Variants in ATP6V0A1 observed in about 807,000 individuals in gnomAD.
ATP6V0A1 encodes ATPase H+ transporting V0 subunit a1, also known as V-type proton ATPase 116 kDa subunit a 1.
A neutral mutation model predicts 105.4 loss-of-function variants in ATP6V0A1; 43 were observed. That is an observed-to-expected ratio of 0.41 (90% CI 0.32 to 0.53). The LOEUF is 0.53. ATP6V0A1 is among the 20% of genes least tolerant of loss of function. ATP6V0A1 has a pLI of 0.30. For synonymous variants in ATP6V0A1, 362 were observed against 372.8 expected, an observed-to-expected ratio of 0.97 and a Z score of 0.33; for missense variants, 676 against 1,051.1, an observed-to-expected ratio of 0.64 and a Z score of 4.93.
chr17:42,482,054 C>G (rs1365277487), intron 8 of ATP6V0A1, among the ~76,000 whole-genome samples: 1 of 152,170 alleles, frequency 6.6e-6, no homozygotes, highest in East Asian at 1.9e-4. Flanking sequence ...GTTGGCCAGG[C>G]TGATCTCGAA....
intron 11 of ATP6V0A1, among the ~76,000 whole-genome samples, chr17:42,491,359 GGAGT>G (rs1369963594): frequency 2.6e-5 from 4 of 152,114 alleles, no homozygotes; most frequent in Non-Finnish European, 5.9e-5. Context: ...CACCCATGCT[GGAGT>G]GCAGTGGCGT....
At chr17:42,486,268 G>A (rs1192934387) in intron 9 of ATP6V0A1, among the ~76,000 whole-genome samples, 1 of 152,024 alleles carries the variant, frequency 6.6e-6, no homozygotes, top group South Asian at 2.1e-4. Flanking sequence ...AAAATTAGCC[G>A]TGCATGGTGG....
Position 42,522,416 on chromosome 17 carries a change from C to T in ATP6V0A1, c.*1296C>T, listed in dbSNP as rs2092851467. 1 of 152,716 alleles carries T rather than the reference C, an allele frequency of 6.5e-6. No individual in the cohort carries two copies. Among genetic ancestry groups the T allele is most frequent in the South Asian group, 2.1e-4 (1 of 4,844 alleles). 9.5% of individuals were successfully genotyped at this position (152,716 alleles called of 1,614,324 possible). Reference sequence around the variant, plus strand: ...GCCACTGTGTGCTGGCCCACTGTGACCTGACCCGACCTTGTGCAGCCCCCC... The same window carrying T: ...GCCACTGTGTGCTGGCCCACTGTGATCTGACCCGACCTTGTGCAGCCCCCC... On this transcript the variant is annotated 3_prime_UTR_variant, in exon 22 of 22. Coordinates refer to ENST00000343619, the MANE Select transcript of ATP6V0A1 (RefSeq NM_001130021.3).
At position 42,489,357 on chromosome 17, in the gene ATP6V0A1, AG is replaced by A. The variant is rs200036716; in HGVS notation, c.1024-1128del. ...CAGCCTCCCAAAGTGCAGGGATTACAGGCATGAGCCACTTCTCCTGGCTCAA... is the reference window on the plus strand; with the variant it reads ...CAGCCTCCCAAAGTGCAGGGATTACAGCATGAGCCACTTCTCCTGGCTCAA... On this transcript the variant is annotated intron_variant, in intron 10 of 21. Coordinates refer to ENST00000343619, the MANE Select transcript of ATP6V0A1 (RefSeq NM_001130021.3). 1.6e-3 allele frequency among the ~76,000 whole-genome samples: 242 copies of A among 152,252 alleles called. 4 individuals are homozygous for A. The East Asian group carries it at 0.041, about 26-fold the overall frequency.
At position 42,495,686 on chromosome 17, in the gene ATP6V0A1, T is replaced by C. The variant is rs1226543725; in HGVS notation, c.1530T>C (p.Phe510=). The change falls in exon 14 of 22, where the codon TTT becomes TTC. Residue 510 remains phenylalanine, a synonymous_variant. Coordinates refer to ENST00000343619, the MANE Select transcript of ATP6V0A1 (RefSeq NM_001130021.3). ...LQLNPALPGV[F]GGPYPFGIDP... ...TGAACCCAGCCCTCCCTGGAGTGTT[T>C]GGTGGACCATACCCTTTTGGCATTG... The C allele has an allele frequency of 1.9e-6, 3 of 1,614,102 alleles. No homozygotes were observed. In the South Asian group the frequency reaches 3.3e-5, roughly 18 times the overall value.
intron 11 of ATP6V0A1, 52 bp downstream of exon 11, chr17:42,490,689 G>T (rs1440622428): frequency 2.6e-6 from 4 of 1,540,380 alleles, no homozygotes; most frequent in Non-Finnish European, 3.5e-6. Flanking sequence ...TGTTTGTTTG[G>T]TTGGTTTGGT....
chr17:42,480,500 T>G (rs2089353769), intron 7 of ATP6V0A1, 167 bp from the exon 8 acceptor site: 1 of 565,108 alleles, frequency 1.8e-6, no homozygotes, highest in East Asian at 3.1e-5. Context: ...GCAGATGTTC[T>G]TGTAGTGAAG....
At position 42,495,106 on chromosome 17, in the gene ATP6V0A1, A is replaced by G. The variant is rs2091031585; in HGVS notation, c.1387A>G (p.Ile463Val). The change falls in exon 13 of 22, where the codon ATC becomes GTC. Residue 463 changes from isoleucine to valine, a missense_variant. Transcript: ENST00000343619. ...TGTGTTCTCCATGTACACTGGCCTC[A>G]TCTACAATGATTGCTTTTCCAAGTC... is the stretch of plus-strand genomic sequence containing the variant. ...MGVFSMYTGL[I>V]YNDCFSKSLN... 6.2e-7 allele frequency: 1 copy of G among 1,613,868 alleles called. No individual in the cohort carries two copies. Among genetic ancestry groups the G allele is most frequent in the African/African-American group, 1.3e-5 (1 of 74,940 alleles).
In ATP6V0A1 at chr17:42,494,581, A is replaced by G. The variant is rs893230987; in HGVS notation, c.1314+108A>G. 25 of 1,335,218 alleles carry G rather than the reference A, an allele frequency of 1.9e-5. No individual in the cohort carries two copies. In the African/African-American group the frequency reaches 3.7e-4, roughly 20 times the overall value. The allele number at this position is 1,335,218 out of a possible 1,614,324, so 82.7% of individuals were successfully genotyped here. The stretch of plus-strand genomic sequence containing the variant: ...TTTTATCCATGAATTTATCAAAAGG[A>G]AGTAGAGAAGTTATGTTCATTTTAA... On this transcript the variant is annotated intron_variant, in intron 12 of 21. Coordinates refer to ENST00000343619, the MANE Select transcript of ATP6V0A1 (RefSeq NM_001130021.3).
intron 8 of ATP6V0A1, among the ~76,000 whole-genome samples, chr17:42,482,441 C>T (rs1381359070): frequency 6.6e-6 from 1 of 152,122 alleles, no homozygotes; most frequent in Non-Finnish European, 1.5e-5. Flanking sequence ...GCCACTGCAC[C>T]TGGTCTAGGG....
intron 9 of ATP6V0A1, 27 bp from the exon 10 acceptor site, chr17:42,487,128 C>T (rs768180792): frequency 2.5e-6 from 4 of 1,607,910 alleles, no homozygotes; most frequent in Non-Finnish European, 3.4e-6. Flanking sequence ...TAAAAGGATC[C>T]CTCGCTTGTT....
chr17:42,469,644 C>G (rs1331354907), intron 4 of ATP6V0A1, among the ~76,000 whole-genome samples: 1 of 150,620 alleles, frequency 6.6e-6, no homozygotes, highest in African/African-American at 2.4e-5. Flanking sequence ...CCAGGAAAGA[C>G]TATTTATTTA....
rs775110321 is a variant in ATP6V0A1, at chr17:42,483,020, G to A, written c.717-18G>A. On this transcript the variant is annotated intron_variant, in intron 8 of 21. Coordinates refer to ENST00000343619, the MANE Select transcript of ATP6V0A1 (RefSeq NM_001130021.3). ...TAAATTAGATAAGTTAAGAAACTTCGATGTTCTTATATTCCAGGTTCCGAG... is the reference window on the plus strand; with the variant it reads ...TAAATTAGATAAGTTAAGAAACTTCAATGTTCTTATATTCCAGGTTCCGAG... The A allele has an allele frequency of 2.8e-6, 4 of 1,424,550 alleles. No homozygotes were observed. The highest frequency in any genetic ancestry group is 2.5e-5 in the East Asian group (1 of 40,038). The allele number at this position is 1,424,550 out of a possible 1,614,324, so 88.2% of individuals were successfully genotyped here.
chr17:42,520,616 A>G (rs1442128094), intron 21 of ATP6V0A1: 2 of 458,078 alleles, frequency 4.4e-6, no homozygotes, highest in African/African-American at 2.0e-5. Context: ...AATAACAAGC[A>G]AACAGAGGTG....
intron 10 of ATP6V0A1, 26 bp downstream of exon 10, chr17:42,487,393 G>A (rs1306241291): frequency 1.9e-6 from 3 of 1,608,234 alleles, no homozygotes; most frequent in Non-Finnish European, 2.6e-6. Flanking sequence ...TAACAATGCA[G>A]CTCGTGGCCC....
chr17:42,474,545 C>T (rs1024646798), intron 5 of ATP6V0A1, among the ~76,000 whole-genome samples: 1 of 152,218 alleles, frequency 6.6e-6, no homozygotes, highest in African/African-American at 2.4e-5. Context: ...TGCGTAGCAG[C>T]AGGCTCAGGT....
Position 42,495,076 on chromosome 17 carries a change from A to G in ATP6V0A1, c.1357A>G (p.Met453Val). The change falls in exon 13 of 22, where the codon ATG (methionine) becomes GTG (valine). Residue 453 changes from methionine to valine, a missense_variant. Around this residue, in one of 3 missense-constraint regions of ATP6V0A1, gnomAD observed 435 missense variants for 642.2 expected, o/e 0.68. Coordinates refer to ENST00000343619, the MANE Select transcript of ATP6V0A1 (RefSeq NM_001130021.3). ...VFSGRYIILLMGVFSMYTGLI... is the reference protein window; with the variant it reads ...VFSGRYIILLVGVFSMYTGLI... ...CAGTGGTCGATACATTATTTTATTG[A>G]TGGGTGTGTTCTCCATGTACACTGG... 1 of 1,613,930 alleles carries G rather than the reference A, an allele frequency of 6.2e-7. No individual in the cohort carries two copies.
At chr17:42,490,711 C>CA in intron 11 of ATP6V0A1, 74 bp downstream of exon 11, 2 of 1,473,970 alleles carry the variant, frequency 1.4e-6, no homozygotes, top group South Asian at 2.7e-5. Context: ...TGTTTTGAGA[C>CA]AGAGTCTCCC....
At position 42,495,111 on chromosome 17, in the gene ATP6V0A1, C is replaced by T. The variant is rs2091031985; in HGVS notation, c.1392C>T (p.Tyr464=). The T allele has an allele frequency of 3.1e-6, 5 of 1,613,948 alleles. No homozygotes were observed. The highest frequency in any genetic ancestry group is 4.2e-6 in the Non-Finnish European group (5 of 1,179,826). The stretch of plus-strand genomic sequence containing the variant: ...TCTCCATGTACACTGGCCTCATCTA[C>T]AATGATTGCTTTTCCAAGTCTCTTA... ...GVFSMYTGLI[Y]NDCFSKSLNI... Residue 464 remains tyrosine (Y), a synonymous_variant, in exon 13 of 22, where the codon TAC becomes TAT. Transcript: ENST00000343619.
Sources: gnomAD v4.1 joint callset for allele counts (sites outside exome capture counted in the v4.1 genomes callset) on GRCh38, gnomAD v4.1.1 for gene constraint, gnomAD v4.1.1 regional missense constraint, MANE v1.5 for transcripts, NCBI Gene and HGNC (gene_info 2026-07-23, HGNC 2026-07-21) for gene names.